Variants in UVRAG observed in about 807,000 individuals in gnomAD.
UVRAG encodes UV radiation resistance associated.
A neutral mutation model predicts 78.0 loss-of-function variants in UVRAG; 19 were observed. The ratio of observed to expected loss-of-function variants is 0.24; its 90% CI spans 0.17 to 0.36. The LOEUF is 0.36. UVRAG is among the 10% of genes least tolerant of loss of function. The pLI is 1.00. For missense variants in UVRAG, 740 were observed against 853.8 expected (o/e 0.87, Z 1.66); for synonymous variants, 323 against 324.6 (o/e 1.00, Z 0.05).
chr11:76,044,284 G>T (rs977402584), intron 12 of UVRAG, among the ~76,000 whole-genome samples: 3 of 152,168 alleles, frequency 2.0e-5, no homozygotes, highest in Admixed American at 6.5e-5. Flanking sequence ...GGGCATTGGG[G>T]CACAATCAGC....
chr11:75,945,122 T>C (rs1292149896), intron 6 of UVRAG, among the ~76,000 whole-genome samples: 1 of 152,130 alleles, frequency 6.6e-6, no homozygotes, highest in Non-Finnish European at 1.5e-5. Flanking sequence ...TAATTATCAC[T>C]GAATAAATAT....
At chr11:75,887,985 C>T (rs1040419564) in intron 4 of UVRAG, among the ~76,000 whole-genome samples, 1 of 151,990 alleles carries the variant, frequency 6.6e-6, no homozygotes, top group African/African-American at 2.4e-5. Context: ...GGTTTGCAGA[C>T]AATAATAGAA....
intron 8 of UVRAG, among the ~76,000 whole-genome samples, chr11:76,002,196 G>A (rs1034380555): frequency 6.6e-6 from 1 of 152,084 alleles, no homozygotes; most frequent in African/African-American, 2.4e-5. Flanking sequence ...GTTTTCTGGA[G>A]TATCTTCAAA....
At chr11:76,053,326 C>CAT (rs1480139334) in intron 12 of UVRAG, among the ~76,000 whole-genome samples, 4 of 151,394 alleles carry the variant, frequency 2.6e-5, no homozygotes, top group Non-Finnish European at 5.9e-5. Context: ...CACACACACA[C>CAT]ACACACACAC....
intron 11 of UVRAG, among the ~76,000 whole-genome samples, chr11:76,011,889 A>C (rs1950057654): frequency 6.6e-6 from 1 of 152,226 alleles, no homozygotes; most frequent in Non-Finnish European, 1.5e-5. Flanking sequence ...GTACTCAAAA[A>C]AGTGAGAATA....
intron 13 of UVRAG, among the ~76,000 whole-genome samples, chr11:76,104,927 T>A (rs1026322820): frequency 6.6e-6 from 1 of 152,224 alleles, no homozygotes; most frequent in Non-Finnish European, 1.5e-5. Flanking sequence ...ATAATAATAT[T>A]TTCATTTGTG....
At chr11:75,834,786 C>T (rs144739612) in intron 1 of UVRAG, among the ~76,000 whole-genome samples, 1 of 152,188 alleles carries the variant, frequency 6.6e-6, no homozygotes, top group Non-Finnish European at 1.5e-5. Flanking sequence ...TGCATTCCAG[C>T]TTGGGCAACA....
At chr11:75,948,841 C>A (rs1405388623) in intron 6 of UVRAG, among the ~76,000 whole-genome samples, 1 of 152,132 alleles carries the variant, frequency 6.6e-6, no homozygotes. Context: ...TGGTGAGGTA[C>A]TAGATGCATT....
At chr11:76,084,005 CCT>C (rs752838813) in intron 13 of UVRAG, among the ~76,000 whole-genome samples, 4 of 152,174 alleles carry the variant, frequency 2.6e-5, no homozygotes, top group Non-Finnish European at 5.9e-5. Context: ...GTTAGTGCTG[CCT>C]TAGGACTGAC....
chr11:76,060,327 T>C (rs1448772595), intron 12 of UVRAG, among the ~76,000 whole-genome samples: 1 of 152,236 alleles, frequency 6.6e-6, no homozygotes, highest in Non-Finnish European at 1.5e-5. Context: ...CTGCTACCTA[T>C]CATGATGACT....
chr11:75,852,534 A>C (rs1946177331), intron 2 of UVRAG, among the ~76,000 whole-genome samples: 1 of 152,150 alleles, frequency 6.6e-6, no homozygotes, highest in Non-Finnish European at 1.5e-5. Flanking sequence ...CAGAATGCAT[A>C]TTAGATGAGA....
intron 6 of UVRAG, among the ~76,000 whole-genome samples, chr11:75,919,338 G>A (rs1036161748): frequency 6.6e-5 from 10 of 152,080 alleles, no homozygotes; most frequent in African/African-American, 1.7e-4. Context: ...GCTAAAACTC[G>A]TGTACTTTCT....
chr11:76,124,438 G>A (rs1952348191), intron 14 of UVRAG, among the ~76,000 whole-genome samples: 1 of 152,180 alleles, frequency 6.6e-6, no homozygotes, highest in African/African-American at 2.4e-5. Flanking sequence ...CTGTCATGTG[G>A]GACTTACAAC....
chr11:75,888,700 A>T (rs1057059662), intron 4 of UVRAG, 129 bp from the exon 5 acceptor site: 3 of 640,904 alleles, frequency 4.7e-6, no homozygotes, highest in Non-Finnish European at 7.6e-6. Flanking sequence ...GTTTTCTGCT[A>T]GTATGTTTAG....
intron 5 of UVRAG, among the ~76,000 whole-genome samples, chr11:75,894,043 A>G (rs1373260851): frequency 6.6e-6 from 1 of 152,230 alleles, no homozygotes; most frequent in Non-Finnish European, 1.5e-5. Context: ...AAGGGAGCAT[A>G]TAGTGTATAA....
intron 7 of UVRAG, among the ~76,000 whole-genome samples, chr11:75,973,707 A>G (rs1410054844): frequency 6.6e-6 from 1 of 151,964 alleles, no homozygotes; most frequent in Non-Finnish European, 1.5e-5. Flanking sequence ...TCCCTCCTCC[A>G]TCCCCCCAAC....
intron 13 of UVRAG, 86 bp from the exon 14 acceptor site, chr11:76,115,838 C>A: frequency 8.1e-7 from 1 of 1,235,884 alleles, no homozygotes; most frequent in South Asian, 1.3e-5. Context: ...TTTTAGAGTT[C>A]AAAAAAATAA....
At chr11:75,860,769 G>A (rs12279310) in intron 2 of UVRAG, among the ~76,000 whole-genome samples, 19,363 of 151,570 alleles carry the variant, frequency 0.13, 1,847 homozygotes, top group African/African-American at 0.27. Flanking sequence ...TTCTTTGAGC[G>A]TGCAATTTCT....
chr11:75,967,267 A>G (rs1949041056), intron 7 of UVRAG, among the ~76,000 whole-genome samples: 1 of 152,092 alleles, frequency 6.6e-6, no homozygotes, highest in Non-Finnish European at 1.5e-5. Flanking sequence ...GCTCCTGTAC[A>G]TTTTATTATT....
Sources: gnomAD v4.1 joint callset for allele counts (sites outside exome capture counted in the v4.1 genomes callset) on GRCh38, gnomAD v4.1.1 for gene constraint, MANE v1.5 for transcripts, NCBI Gene and HGNC (gene_info 2026-07-23, HGNC 2026-07-21) for gene names.